Variants in SHE observed in about 807,000 individuals in gnomAD.
SHE encodes the protein SH2 domain-containing adapter protein E.
SHE carries 11 observed loss-of-function variants against 49.8 expected under a neutral mutation model. The ratio of observed to expected loss-of-function variants is 0.22; its 90% CI spans 0.14 to 0.37. The LOEUF (loss-of-function observed/expected upper bound fraction) is 0.37. SHE is among the 10% of genes least tolerant of loss of function. The probability of loss-of-function intolerance (pLI) is 1.00; values close to 1 mark genes in which losing one functional copy is unlikely to be tolerated. For missense variants in SHE, 624 were observed against 655.5 expected (o/e 0.95, Z 0.52); for synonymous variants, 310 against 278.1 (o/e 1.11, Z -1.14).
intron 1 of SHE, among the ~76,000 whole-genome samples, chr1:154,471,298 T>C (rs755079043): frequency 6.8e-4 from 103 of 152,086 alleles, no homozygotes; most frequent in Non-Finnish European, 7.2e-4. Flanking sequence ...GGTGGGAGGA[T>C]TGCTCGAGGC....
chr1:154,488,201 A>G (rs1692243255), intron 3 of SHE, among the ~76,000 whole-genome samples: 1 of 151,692 alleles, frequency 6.6e-6, no homozygotes. Context: ...TCGGCCTCCC[A>G]AAGTGCTAGG....
rs751242507 is a variant in SHE, at chr1:154,486,619, C to T, written c.1089G>A (p.Gln363=). ...REETVRQHHR[Q]KSWTQKILKP... is the part of the protein sequence containing the mutation. ...TCAGGATCTTCTGGGTCCAGCTCTT[C>T]TGCCGGTGGTGCTGCCTCACTGTCT... Residue 363 remains glutamine, a synonymous_variant, in exon 4 of 6, where the codon CAG becomes CAA. Transcript: ENST00000304760. 2 of 1,614,056 alleles carry T rather than the reference C, an allele frequency of 1.2e-6. No homozygotes were observed. The highest frequency in any genetic ancestry group is 1.7e-6 in the Non-Finnish European group (2 of 1,180,032).
rs931521493 is a variant in SHE, at chr1:154,495,444, T to TA, written c.718+3667dup. On this transcript the variant is annotated intron_variant, in intron 2 of 5. Coordinates refer to ENST00000304760, the MANE Select transcript of SHE (RefSeq NM_001010846.3). ...CAGTGATAATTTACTCATAAACTCA[T>TA]AAATTCTTAACTTTTAAAAGTTAAG... Among the ~76,000 whole-genome samples, 32 of 152,296 alleles carry TA rather than the reference T, an allele frequency of 2.1e-4. 1 individual carries two copies. Among genetic ancestry groups the TA allele is most frequent in the African/African-American group, 7.7e-4 (32 of 41,564 alleles).
chr1:154,471,110 G>A (rs949122634), intron 1 of SHE, among the ~76,000 whole-genome samples: 5 of 152,164 alleles, frequency 3.3e-5, no homozygotes, highest in East Asian at 1.9e-4. Context: ...CTCCTTAGGC[G>A]GAGTGGTGAG....
At chr1:154,495,310 A>G (rs1257777865) in intron 2 of SHE, among the ~76,000 whole-genome samples, 1 of 152,222 alleles carries the variant, frequency 6.6e-6, no homozygotes, top group Admixed American at 6.5e-5. Flanking sequence ...TAGCTAGAAT[A>G]TTTAGTTAAA....
chr1:154,482,540 G>C lies in SHE; in HGVS notation c.*1609C>G. Reference sequence around the variant, plus strand: ...TTTGTGTGTATTTATAAGCTACAAAGGTTAACTTTTCATTGATGACAGTCA... The same window carrying C: ...TTTGTGTGTATTTATAAGCTACAAACGTTAACTTTTCATTGATGACAGTCA... On this transcript the variant is annotated 3_prime_UTR_variant, in exon 6 of 6. Transcript: ENST00000304760. 1.0e-6 allele frequency: 1 copy of C among 985,396 alleles called. No homozygotes were observed. The highest frequency in any genetic ancestry group is 1.7e-5 in the African/African-American group (1 of 57,340). The allele number at this position is 985,396 out of a possible 1,614,324, so 61.0% of individuals were successfully genotyped here. A position where few individuals can be genotyped will look rare whatever the true frequency, so the allele number is the denominator to read the frequency against.
At chr1:154,486,765 C>T (rs1692193877) in intron 3 of SHE, 82 bp from the exon 4 acceptor site, 1 of 1,518,140 alleles carries the variant, frequency 6.6e-7, no homozygotes, top group Non-Finnish European at 8.9e-7. Context: ...TCCTTGCCTG[C>T]CTTGGCTCAG....
At chr1:154,501,353 A>T in intron 1 of SHE, 83 bp downstream of exon 1, 2 of 1,296,902 alleles carry the variant, frequency 1.5e-6, no homozygotes, top group Non-Finnish European at 2.2e-6. Flanking sequence ...ACTGCCTCTT[A>T]GGTCTAAAGA....
Position 154,480,538 on chromosome 1 carries a change from T to A in SHE, c.*3611A>T. ...ACCACCTGCCTCAAAAACTCCTGGC[T>A]GCCCCTATCAGCTACCTGCCCACCT... On this transcript the variant is annotated 3_prime_UTR_variant, in exon 6 of 6. Coordinates refer to ENST00000304760, the MANE Select transcript of SHE (RefSeq NM_001010846.3). 1.0e-6 allele frequency: 1 copy of A among 985,532 alleles called. No homozygotes were observed. Among genetic ancestry groups the A allele is most frequent in the Non-Finnish European group, 1.2e-6 (1 of 829,932 alleles). 61.0% of individuals were successfully genotyped at this position (985,532 alleles called of 1,614,324 possible).
At chr1:154,495,381 A>G (rs1252695766) in intron 2 of SHE, among the ~76,000 whole-genome samples, 1 of 152,208 alleles carries the variant, frequency 6.6e-6, no homozygotes, top group Admixed American at 6.5e-5. Context: ...CCTTGTATTC[A>G]GTCATATCTT....
downstream of SHE, among the ~76,000 whole-genome samples, chr1:154,476,596 C>T (rs1270231780): frequency 6.6e-6 from 1 of 151,644 alleles, no homozygotes; most frequent in African/African-American, 2.4e-5. Context: ...TGCATCACTG[C>T]ACTCCAGCCT....
At position 154,481,215 on chromosome 1, in the gene SHE, G is replaced by C; in HGVS notation, c.*2934C>G. The C allele has an allele frequency of 1.0e-6, 1 of 985,374 alleles. No individual in the cohort carries two copies. Among genetic ancestry groups the C allele is most frequent in the South Asian group, 4.7e-5 (1 of 21,288 alleles). 61.0% of individuals were successfully genotyped at this position (985,374 alleles called of 1,614,324 possible). On this transcript the variant is annotated 3_prime_UTR_variant, in exon 6 of 6. Coordinates refer to ENST00000304760, the MANE Select transcript of SHE (RefSeq NM_001010846.3). The stretch of plus-strand genomic sequence containing the variant: ...TTGTTTTTAGAACATATGGAACTTT[G>C]TGCCACCACACAGCTGTGAACTCCC...
intron 1 of SHE, among the ~76,000 whole-genome samples, chr1:154,500,923 C>T (rs1293712380): frequency 2.0e-5 from 3 of 152,158 alleles, no homozygotes; most frequent in Non-Finnish European, 4.4e-5. Context: ...TGCTGAACCT[C>T]CGAGGAGCCC....
In SHE at chr1:154,480,580, A is replaced by G; in HGVS notation, c.*3569T>C. 2.0e-6 allele frequency: 2 copies of G among 985,516 alleles called. No homozygotes were observed. Among genetic ancestry groups the G allele is most frequent in the Non-Finnish European group, 2.4e-6 (2 of 829,928 alleles). 61.0% of individuals were successfully genotyped at this position (985,516 alleles called of 1,614,324 possible). A position where few individuals can be genotyped will look rare whatever the true frequency, so the allele number is the denominator to read the frequency against. The stretch of plus-strand genomic sequence containing the variant: ...TGCCCACCTCCCCATCCTGCGGCAG[A>G]GGCTAGTACACAAATACCAATTCTG... On this transcript the variant is annotated 3_prime_UTR_variant, in exon 6 of 6. Transcript: ENST00000304760.
rs925644836 is a variant in SHE at position 154,481,971 on chromosome 1, C to G, written c.*2178G>C. On this transcript the variant is annotated 3_prime_UTR_variant, in exon 6 of 6. Transcript: ENST00000304760. ...AGGTGATCCACCTACCTCAGCCTCC[C>G]GAATAGCTGGAACCACAGGCATCCA... 4.8e-6 allele frequency: 1 copy of G among 210,232 alleles called. No individual in the cohort carries two copies. Among genetic ancestry groups the G allele is most frequent in the South Asian group, 1.7e-4 (1 of 5,862 alleles). 13.0% of individuals were successfully genotyped at this position (210,232 alleles called of 1,614,324 possible).
rs200447300 is a variant in SHE at position 154,489,360 on chromosome 1, A to G, written c.719-4T>C. 1.4e-4 allele frequency: 232 copies of G among 1,610,122 alleles called. 2 individuals carry two copies. The East Asian group carries it at 3.7e-3, about 26-fold the overall frequency. On this transcript the variant is annotated splice_region_variant and splice_polypyrimidine_tract_variant and intron_variant, in intron 2 of 5. Coordinates refer to ENST00000304760, the MANE Select transcript of SHE (RefSeq NM_001010846.3). ...TTGGAACCCCGTCGTCTAATTTCTG[A>G]AAAACACACACCATTTCTGAAAAAC...
chr1:154,494,596 A>T (rs954521816), intron 2 of SHE, among the ~76,000 whole-genome samples: 2 of 151,688 alleles, frequency 1.3e-5, no homozygotes, highest in African/African-American at 2.4e-5. Context: ...ATTTAAACAA[A>T]CCAACAAAAT....
chr1:154,470,817 GCAAC>G (rs1457048506), intron 1 of SHE, among the ~76,000 whole-genome samples: 1 of 152,024 alleles, frequency 6.6e-6, no homozygotes, highest in East Asian at 1.9e-4. Flanking sequence ...TCCAGCCTGG[GCAAC>G]AGAGCCAGAC....
rs1019672157 is a variant in SHE, at chr1:154,496,141, C to T, written c.718+2971G>A. 8.5e-5 allele frequency among the ~76,000 whole-genome samples: 13 copies of T among 152,142 alleles called. 1 individual carries two copies. Among genetic ancestry groups the T allele is most frequent in the Admixed American group, 2.0e-4 (3 of 15,280 alleles). On this transcript the variant is annotated intron_variant, in intron 2 of 5. Transcript: ENST00000304760. ...GTTATTCTGTCCAGCTTGTAACCTA[C>T]GGGTAGAATAAGAGGTAGAGTCTCT...
Sources: allele counts gnomAD v4.1 joint callset (sites outside exome capture counted in the v4.1 genomes callset), GRCh38; gene constraint gnomAD v4.1.1; transcripts MANE v1.5; gene names NCBI Gene and HGNC (gene_info 2026-07-23, HGNC 2026-07-21).